ZNF25: variants seen among roughly 807,000 people sequenced by gnomAD.
The protein encoded by ZNF25 is zinc finger protein 25 (KOX 19).
ZNF25 carries 21 observed loss-of-function variants against 30.9 expected under a neutral mutation model. That is an observed-to-expected ratio of 0.68 (90% CI 0.48 to 0.98). ZNF25 has a LOEUF of 0.98. Among genes scored for constraint, ZNF25 ranks in the 50% least tolerant of loss-of-function variants. The probability of loss-of-function intolerance (pLI) is 0.00; values close to 1 mark genes in which losing one functional copy is unlikely to be tolerated. For synonymous variants in ZNF25, 169 were observed against 181.3 expected, an observed-to-expected ratio of 0.93 and a Z score of 0.55; for missense variants, 501 against 529.9, an observed-to-expected ratio of 0.95 and a Z score of 0.54.
rs1392789307 is a variant in ZNF25, at chr10:37,957,099, C to G, written c.159G>C (p.Lys53Asn). Reference protein sequence around the residue: ...HLVSVGYHVNKPNAVFKLKQG... With the variant: ...HLVSVGYHVNNPNAVFKLKQG... ...GCTTCAACTTGAAGACTGCATTTGG[C>G]TTATTCACATGGTAACCTATGAATG... Residue 53 changes from lysine (K) to asparagine (N), a missense_variant, in exon 4 of 6, where the codon AAG (lysine) becomes AAC (asparagine). By Grantham distance (94) the Lys-to-Asn change is moderately conservative (BLOSUM62 0). Transcript: ENST00000302609. 3.7e-6 allele frequency: 6 copies of G among 1,613,820 alleles called. No individual in the cohort carries two copies. Among genetic ancestry groups the G allele is most frequent in the Non-Finnish European group, 5.1e-6 (6 of 1,179,958 alleles).
rs746691696 is a variant in ZNF25 at position 37,971,779 on chromosome 10, G to C, written c.-57C>G. 7.4e-6 allele frequency: 12 copies of C among 1,613,368 alleles called. No homozygotes were observed. The highest frequency in any genetic ancestry group is 1.0e-5 in the Non-Finnish European group (12 of 1,179,574). ...GCAAAGCCAGAGCAGAAATCATAAG[G>C]GACCTTAGCTGGCAGCCCCAGGAAT... On this transcript the variant is annotated 5_prime_UTR_variant, in exon 2 of 6. Transcript: ENST00000302609.
intron 2 of ZNF25, among the ~76,000 whole-genome samples, chr10:37,960,064 G>T (rs965100449): frequency 1.3e-5 from 2 of 152,076 alleles, no homozygotes; most frequent in African/African-American, 4.8e-5. Flanking sequence ...ATAGATGCCC[G>T]CCACCATGCT....
At chr10:37,970,288 A>G (rs1474218142) in intron 2 of ZNF25, among the ~76,000 whole-genome samples, 1 of 152,148 alleles carries the variant, frequency 6.6e-6, no homozygotes. Context: ...ATTGTGACCA[A>G]TTTACCCTGG....
At chr10:37,964,348 G>A (rs1404707485) in intron 2 of ZNF25, among the ~76,000 whole-genome samples, 1 of 152,186 alleles carries the variant, frequency 6.6e-6, no homozygotes, top group Non-Finnish European at 1.5e-5. Flanking sequence ...GGAGGGCTCA[G>A]AAGAAGACAC....
At chr10:37,957,218 T>C (rs2062589230) in intron 3 of ZNF25, 103 bp from the exon 4 acceptor site, 2 of 1,346,598 alleles carry the variant, frequency 1.5e-6, no homozygotes, top group East Asian at 4.7e-5. Flanking sequence ...AGGTTCCAGT[T>C]AGGCTTGGCA....
intron 1 of ZNF25, among the ~76,000 whole-genome samples, 196 bp downstream of exon 1, chr10:37,976,310 C>T (rs902270082): frequency 5.9e-5 from 9 of 152,206 alleles, no homozygotes; most frequent in African/African-American, 2.2e-4. Flanking sequence ...GCACCGCAGG[C>T]CTCCTCTGGC....
rs2062257479 is a variant in ZNF25 at position 37,952,944 on chromosome 10, T to C, written c.554A>G (p.His185Arg). Reference protein sequence around the residue: ...ECKECKKIFYHLSSLSRHLRT... With the variant: ...ECKECKKIFYRLSSLSRHLRT... ...CAGATGTCTACTGAGAGATGATAGGTGGTAAAATATTTTCTTACATTCTTT... is the reference window on the plus strand; with the variant it reads ...CAGATGTCTACTGAGAGATGATAGGCGGTAAAATATTTTCTTACATTCTTT... The change falls in exon 6 of 6, where the codon CAC becomes CGC. Residue 185 changes from histidine to arginine, a missense_variant. Coordinates refer to ENST00000302609, the MANE Select transcript of ZNF25 (RefSeq NM_145011.4). 1 of 1,614,150 alleles carries C rather than the reference T, an allele frequency of 6.2e-7. No individual in the cohort carries two copies. Among genetic ancestry groups the C allele is most frequent in the Non-Finnish European group, 8.5e-7 (1 of 1,180,022 alleles).
intron 4 of ZNF25, among the ~76,000 whole-genome samples, chr10:37,955,290 T>C (rs1275126433): frequency 6.6e-6 from 1 of 152,204 alleles, no homozygotes; most frequent in African/African-American, 2.4e-5. Flanking sequence ...AAAAAATTCA[T>C]TTAAATGAAT....
At chr10:37,970,663 CA>C (rs1374580346) in intron 2 of ZNF25, among the ~76,000 whole-genome samples, 45 of 152,272 alleles carry the variant, frequency 3.0e-4, no homozygotes, top group Middle Eastern at 3.4e-3. Context: ...CTACCAGGGC[CA>C]TACATATTCT....
At chr10:37,955,907 C>T (rs978343284) in intron 4 of ZNF25, among the ~76,000 whole-genome samples, 1 of 152,148 alleles carries the variant, frequency 6.6e-6, no homozygotes, top group Non-Finnish European at 1.5e-5. Context: ...TGGTCTCGAA[C>T]TCGGGCCTCA....
intron 2 of ZNF25, among the ~76,000 whole-genome samples, chr10:37,970,817 C>T (rs967426309): frequency 2.0e-4 from 30 of 152,174 alleles, no homozygotes; most frequent in African/African-American, 7.2e-4. Flanking sequence ...ATGCTGCTCC[C>T]TCAGATTTCT....
intron 2 of ZNF25, among the ~76,000 whole-genome samples, chr10:37,959,182 A>T (rs2062709705): frequency 6.6e-6 from 1 of 151,960 alleles, no homozygotes. Flanking sequence ...TGTAGATGAA[A>T]ATATAGAAAC....
chr10:37,970,887 T>C (rs78752853), intron 2 of ZNF25, among the ~76,000 whole-genome samples: 2 of 152,188 alleles, frequency 1.3e-5, no homozygotes, highest in Non-Finnish European at 2.9e-5. Context: ...GGTAGCATTG[T>C]CCTAATCAAC....
At chr10:37,954,571 C>T (rs1047357693) in intron 4 of ZNF25, among the ~76,000 whole-genome samples, 3 of 152,168 alleles carry the variant, frequency 2.0e-5, no homozygotes, top group Non-Finnish European at 4.4e-5. Context: ...GCACTTCTAA[C>T]GCACTTGTTA....
intron 4 of ZNF25, among the ~76,000 whole-genome samples, chr10:37,956,651 T>G (rs910362839): frequency 2.6e-5 from 4 of 152,040 alleles, no homozygotes; most frequent in Middle Eastern, 3.2e-3. Context: ...GCACGGTGAC[T>G]CACACCTGTA....
At chr10:37,975,716 C>T (rs1394435747) in intron 1 of ZNF25, among the ~76,000 whole-genome samples, 2 of 152,148 alleles carry the variant, frequency 1.3e-5, no homozygotes, top group Admixed American at 1.3e-4. Context: ...AAATAATTCA[C>T]CTTTTGACTC....
chr10:37,952,862 G>A lies in ZNF25; in HGVS notation c.636C>T (p.Tyr212=). The change falls in exon 6 of 6, where the codon TAC becomes TAT. Residue 212 remains tyrosine (Y), a synonymous_variant. Transcript: ENST00000302609. The part of the protein sequence containing the change: ...YECNQCEKSF[Y]QKPHLTEHQK... ...GATGTTCTGTGAGATGTGGTTTCTGGTAGAAGGATTTTTCACACTGATTAC... is the reference window on the plus strand; with the variant it reads ...GATGTTCTGTGAGATGTGGTTTCTGATAGAAGGATTTTTCACACTGATTAC... The A allele has an allele frequency of 6.2e-7, 1 of 1,614,096 alleles. No homozygotes were observed. Among genetic ancestry groups the A allele is most frequent in the Non-Finnish European group, 8.5e-7 (1 of 1,180,002 alleles).
At chr10:37,957,999 T>G (rs563870250) in intron 2 of ZNF25, among the ~76,000 whole-genome samples, 4 of 152,186 alleles carry the variant, frequency 2.6e-5, no homozygotes, top group Non-Finnish European at 5.9e-5. Flanking sequence ...ATAGCCTAGG[T>G]GTGCAGTCAG....
intron 5 of ZNF25, 51 bp from the exon 6 acceptor site, chr10:37,953,246 T>C (rs779259828): frequency 2.0e-6 from 3 of 1,501,104 alleles, no homozygotes; most frequent in Non-Finnish European, 1.8e-6. Context: ...TAAGGCTTTT[T>C]GTTCCCCCTG....
Sources: allele counts gnomAD v4.1 joint callset (sites outside exome capture counted in the v4.1 genomes callset), GRCh38; gene constraint gnomAD v4.1.1; transcripts MANE v1.5; gene names NCBI Gene and HGNC (gene_info 2026-07-23, HGNC 2026-07-21).